Variants in DAND5 observed in about 807,000 individuals in gnomAD.
DAND5 encodes the protein DAN domain BMP antagonist family member 5.
A neutral mutation model predicts 9.2 loss-of-function variants in DAND5; 8 were observed. The observed-to-expected ratio is 0.87, with a 90% CI of 0.51 to 1.56. The LOEUF (loss-of-function observed/expected upper bound fraction) is 1.56, where lower values mean the gene tolerates loss of function less well. DAND5 is among the 40% of genes most tolerant of loss of function. The pLI, the probability that DAND5 is intolerant of heterozygous loss-of-function variation, is 0.00. For synonymous variants in DAND5, 95 were observed against 101.1 expected, an observed-to-expected ratio of 0.94 and a Z score of 0.36; for missense variants, 244 against 244.7, an observed-to-expected ratio of 1.00 and a Z score of 0.02.
chr19:12,973,588 TATCCACC>T lies in DAND5; in HGVS notation c.527_533del (p.Ser176CysfsTer2). 1 of 1,614,096 alleles carries T rather than the reference TATCCACC, an allele frequency of 6.2e-7. No individual in the cohort carries two copies. The highest frequency in any genetic ancestry group is 8.5e-7 in the Non-Finnish European group (1 of 1,180,010). ...TCAGCCTCCCGTCGACGGGTGAAGA[TATCCACC>T]ATGCTGATCGAGGGGTGTCACTGCA... On this transcript the variant is annotated frameshift_variant, in exon 2 of 2. Transcript: ENST00000317060. LOFTEE classifies it low-confidence loss of function (END_TRUNC).
In DAND5 at chr19:12,973,011, C is replaced by T. The variant is rs565759209; in HGVS notation, c.325-378C>T. ...CCGAGTAGCTGGGACTACAGGCGCC[C>T]ACCACCACGCCCGGCTCATTTTTTG... is the stretch of plus-strand genomic sequence containing the variant. On this transcript the variant is annotated intron_variant, in intron 1 of 1. Transcript: ENST00000317060. Among the ~76,000 whole-genome samples, 55 of 151,780 alleles carry T rather than the reference C, an allele frequency of 3.6e-4. 1 individual carries two copies. Among genetic ancestry groups the T allele is most frequent in the Non-Finnish European group, 5.0e-4 (34 of 67,932 alleles).
chr19:12,971,715 C>T (rs933194479), intron 1 of DAND5, among the ~76,000 whole-genome samples: 2 of 151,494 alleles, frequency 1.3e-5, no homozygotes, highest in African/African-American at 4.9e-5. Flanking sequence ...CTCAGCCTCC[C>T]GAGTAGCTGG....
At chr19:12,970,437 T>G (rs1271628106) in intron 1 of DAND5, 1 of 701,218 alleles carries the variant, frequency 1.4e-6, no homozygotes, top group South Asian at 1.5e-5. Flanking sequence ...CCAACTTTCT[T>G]TCTGTTTTTT....
chr19:12,969,741 G>T lies in DAND5; in HGVS notation c.81G>T (p.Gln27His). The T allele has an allele frequency of 1.3e-6, 2 of 1,595,704 alleles. No individual in the cohort carries two copies. Among genetic ancestry groups the T allele is most frequent in the South Asian group, 1.1e-5 (1 of 87,830 alleles). Residue 27 changes from glutamine to histidine, a missense_variant, in exon 1 of 2, where the codon CAG becomes CAT. Physicochemically the swap from Gln to His is conservative, Grantham distance 24 (BLOSUM62 0). Coordinates refer to ENST00000317060, the MANE Select transcript of DAND5 (RefSeq NM_152654.3). ...LPTGSGRPEP[Q>H]SPRPQSWAAA... ...CAGGCTCAGGGAGGCCTGAACCCCA[G>T]TCTCCTCGACCTCAGTCCTGGGCTG... is the stretch of plus-strand genomic sequence containing the variant.
At position 12,973,726 on chromosome 19, in the gene DAND5, C is replaced by G; in HGVS notation, c.*92C>G. The G allele has an allele frequency of 6.5e-7, 1 of 1,543,344 alleles. No homozygotes were observed. The highest frequency in any genetic ancestry group is 8.7e-7 in the Non-Finnish European group (1 of 1,146,646). On this transcript the variant is annotated 3_prime_UTR_variant, in exon 2 of 2. Coordinates refer to ENST00000317060, the MANE Select transcript of DAND5 (RefSeq NM_152654.3). ...AAGACGTGGACCTGGATGATGTACT[C>G]TGGGTCAAGAGACCAGGGATGCAGG...
intron 1 of DAND5, among the ~76,000 whole-genome samples, chr19:12,971,063 T>TGGAG (rs2011143709): frequency 6.6e-6 from 1 of 152,096 alleles, no homozygotes; most frequent in South Asian, 2.1e-4. Context: ...TAGATCCACT[T>TGGAG]GGAGGGGATC....
intron 1 of DAND5, among the ~76,000 whole-genome samples, chr19:12,972,463 C>A (rs138343888): frequency 6.6e-6 from 1 of 152,014 alleles, no homozygotes; most frequent in African/African-American, 2.4e-5. Flanking sequence ...CTTTTAACTC[C>A]GAGGTAACCA....
chr19:12,970,607 T>G, intron 1 of DAND5: 1 of 486,464 alleles, frequency 2.1e-6, no homozygotes, highest in Non-Finnish European at 3.6e-6. Context: ...TCTCTTTCTT[T>G]CTTTCTTTTC....
At chr19:12,973,127 G>T (rs1428548185) in intron 1 of DAND5, among the ~76,000 whole-genome samples, 1 of 152,134 alleles carries the variant, frequency 6.6e-6, no homozygotes, top group Non-Finnish European at 1.5e-5. Context: ...CTCCCAAAGT[G>T]CTGGGATTAC....
rs1346532031 is a variant in DAND5 at position 12,974,165 on chromosome 19, C to T, written c.*531C>T. ...ACAGAGTCTCTCTCTGTCACCCAGG[C>T]TGGAGTGCAATGGCGCGATCTTGGC... On this transcript the variant is annotated 3_prime_UTR_variant, in exon 2 of 2. Coordinates refer to ENST00000317060, the MANE Select transcript of DAND5 (RefSeq NM_152654.3). 6.5e-6 allele frequency: 1 copy of T among 154,620 alleles called. No homozygotes were observed. Among genetic ancestry groups the T allele is most frequent in the Non-Finnish European group, 1.4e-5 (1 of 69,806 alleles). 9.6% of individuals were successfully genotyped at this position (154,620 alleles called of 1,614,324 possible). A position where few individuals can be genotyped will look rare whatever the true frequency, so the allele number is the denominator to read the frequency against.
intron 1 of DAND5, among the ~76,000 whole-genome samples, chr19:12,972,745 T>C (rs866631192): frequency 3.7e-4 from 56 of 152,120 alleles, no homozygotes; most frequent in African/African-American, 1.3e-3. Context: ...TTCGCCATAT[T>C]GGCCAAGCTG....
At chr19:12,970,604 C>T in intron 1 of DAND5, 1 of 489,316 alleles carries the variant, frequency 2.0e-6, no homozygotes, top group Non-Finnish European at 3.6e-6. Flanking sequence ...TTTTCTCTTT[C>T]TTTCTTTCTT....
chr19:12,973,271 G>A, intron 1 of DAND5, 118 bp from the exon 2 acceptor site: 2 of 1,427,360 alleles, frequency 1.4e-6, no homozygotes, highest in Non-Finnish European at 1.9e-6. Context: ...TTGAACCCAG[G>A]CAGCCTGGCT....
intron 1 of DAND5, among the ~76,000 whole-genome samples, chr19:12,973,147 C>A (rs887972285): frequency 5.3e-5 from 8 of 152,180 alleles, no homozygotes; most frequent in Admixed American, 3.3e-4. Context: ...CAGGCGTGAG[C>A]CACCGCGCCC....
rs1311609329 is a variant in DAND5, at chr19:12,974,185, C to A, written c.*551C>A. 2 of 153,330 alleles carry A rather than the reference C, an allele frequency of 1.3e-5. No homozygotes were observed. The highest frequency in any genetic ancestry group is 2.9e-5 in the Non-Finnish European group (2 of 69,126). 9.5% of individuals were successfully genotyped at this position (153,330 alleles called of 1,614,324 possible). ...CCAGGCTGGAGTGCAATGGCGCGAT[C>A]TTGGCTCACTGTAACTTCCACTTGC... is the stretch of plus-strand genomic sequence containing the variant. On this transcript the variant is annotated 3_prime_UTR_variant, in exon 2 of 2. Coordinates refer to ENST00000317060, the MANE Select transcript of DAND5 (RefSeq NM_152654.3).
chr19:12,973,141 C>T (rs576162459), intron 1 of DAND5, among the ~76,000 whole-genome samples: 64 of 152,262 alleles, frequency 4.2e-4, no homozygotes, highest in South Asian at 1.5e-3. Flanking sequence ...GGATTACAGG[C>T]GTGAGCCACC....
At chr19:12,970,311 T>C (rs2146063389) in intron 1 of DAND5, 1 of 615,110 alleles carries the variant, frequency 1.6e-6, no homozygotes, top group South Asian at 1.9e-5. Flanking sequence ...CCAAGTCCTC[T>C]TCACAGCCCA....
intron 1 of DAND5, among the ~76,000 whole-genome samples, chr19:12,971,971 G>T (rs1244574498): frequency 1.3e-5 from 2 of 151,484 alleles, no homozygotes; most frequent in Non-Finnish European, 1.5e-5. Context: ...GCTCACTGCA[G>T]ATTTGAATTC....
In DAND5 at chr19:12,974,122, TA is replaced by T. The variant is rs2011161616; in HGVS notation, c.*489del. The T allele has an allele frequency of 6.4e-6, 1 of 155,054 alleles. No homozygotes were observed. The highest frequency in any genetic ancestry group is 1.4e-5 in the Non-Finnish European group (1 of 70,784). 9.6% of individuals were successfully genotyped at this position (155,054 alleles called of 1,614,324 possible). A position where few individuals can be genotyped will look rare whatever the true frequency, so the allele number is the denominator to read the frequency against. On this transcript the variant is annotated 3_prime_UTR_variant, in exon 2 of 2. Coordinates refer to ENST00000317060, the MANE Select transcript of DAND5 (RefSeq NM_152654.3). Reference sequence around the variant, plus strand: ...CGTGATCTGCCTGCCTTGGCCTTATTATTTTTTTTTTTTAAGGACAGAGTCT... The same window carrying T: ...CGTGATCTGCCTGCCTTGGCCTTATTTTTTTTTTTTTTAAGGACAGAGTCT...
Sources: gnomAD v4.1 joint callset for allele counts (sites outside exome capture counted in the v4.1 genomes callset) on GRCh38, gnomAD v4.1.1 for gene constraint, MANE v1.5 for transcripts, NCBI Gene and HGNC (gene_info 2026-07-23, HGNC 2026-07-21) for gene names.